WASHC3: variants seen among roughly 807,000 people sequenced by gnomAD.
WASHC3 encodes WASH complex subunit CCDC53.
Under a neutral mutation model 26.1 loss-of-function variants are expected in WASHC3, and 24 were observed. The observed-to-expected ratio is 0.92, with a 90% CI of 0.66 to 1.29. The LOEUF (loss-of-function observed/expected upper bound fraction) is 1.29, where lower values mean the gene tolerates loss of function less well. WASHC3 is among the 50% of genes most tolerant of loss of function. The probability of loss-of-function intolerance (pLI) is 0.00; values close to 1 mark genes in which losing one functional copy is unlikely to be tolerated. For missense variants in WASHC3, 214 were observed against 229.6 expected (o/e 0.93, Z 0.44); for synonymous variants, 77 against 75.7 (o/e 1.02, Z -0.09).
intron 4 of WASHC3, among the ~76,000 whole-genome samples, chr12:102,043,138 C>T (rs1878009110): frequency 6.6e-6 from 1 of 152,186 alleles, no homozygotes; most frequent in Non-Finnish European, 1.5e-5. Flanking sequence ...TGTAGATTCT[C>T]ATCAGCAGTT....
rs1877484983 is a variant in WASHC3, at chr12:102,032,622, G to A, written c.436-6584C>T. Among the ~76,000 whole-genome samples the A allele has an allele frequency of 2.6e-5, 4 of 152,106 alleles. No homozygotes were observed. In the South Asian group the frequency reaches 8.3e-4, roughly 32 times the overall value. ...AAAAAAAGTCAGAAAATGCCAGCAG[G>A]TGTTCCAGGAACATTCATTAGTAAT... On this transcript the variant is annotated intron_variant, in intron 5 of 6. Coordinates refer to ENST00000240079, the MANE Select transcript of WASHC3 (RefSeq NM_016053.4).
chr12:102,028,967 C>T (rs141822107), intron 5 of WASHC3, among the ~76,000 whole-genome samples: 2 of 152,098 alleles, frequency 1.3e-5, no homozygotes, highest in Non-Finnish European at 2.9e-5. Context: ...TCTGTATATG[C>T]ATATGGGTAA....
intron 2 of WASHC3, among the ~76,000 whole-genome samples, chr12:102,059,949 A>T (rs1878736805): frequency 6.6e-6 from 1 of 152,248 alleles, no homozygotes; most frequent in Non-Finnish European, 1.5e-5. Flanking sequence ...AAATTGAATT[A>T]AGCCCCTTAC....
Position 102,017,670 on chromosome 12 carries a change from G to A in WASHC3, c.501-4478C>T, listed in dbSNP as rs570187511. The A allele has an allele frequency of 1.9e-4, 64 of 343,002 alleles. 1 individual carries two copies. In the Middle Eastern group the frequency reaches 0.015, roughly 83 times the overall value. 21.2% of individuals were successfully genotyped at this position (343,002 alleles called of 1,614,324 possible). On this transcript the variant is annotated intron_variant, in intron 6 of 6. Transcript: ENST00000240079. ...AGGTGGAAACTCTCTTTAACCTTCC[G>A]AGGAACTGCCAAACTTTTCCACAGC...
At chr12:102,056,013 G>C (rs1594372952) in intron 2 of WASHC3, among the ~76,000 whole-genome samples, 2 of 152,296 alleles carry the variant, frequency 1.3e-5, no homozygotes, top group Admixed American at 1.3e-4. Context: ...AAGCAGGTCA[G>C]TTTTAGGAGA....
At chr12:102,059,322 T>TCATAAAA (rs1227058598) in intron 2 of WASHC3, among the ~76,000 whole-genome samples, 1 of 152,210 alleles carries the variant, frequency 6.6e-6, no homozygotes, top group African/African-American at 2.4e-5. Flanking sequence ...AATTTTTACC[T>TCATAAAA]GTCAATTTAA....
At chr12:102,051,591 T>C (rs1025276463) in intron 2 of WASHC3, among the ~76,000 whole-genome samples, 4 of 152,212 alleles carry the variant, frequency 2.6e-5, no homozygotes, top group Non-Finnish European at 5.9e-5. Flanking sequence ...CTTAATCAGA[T>C]AAAGCAGTGC....
chr12:102,017,510 C>T (rs927139530), intron 6 of WASHC3, among the ~76,000 whole-genome samples: 2 of 152,176 alleles, frequency 1.3e-5, no homozygotes, highest in Admixed American at 1.3e-4. Context: ...AAGAGAATGA[C>T]AGCATTCTGG....
chr12:102,048,130 G>A (rs1878238398), intron 2 of WASHC3, among the ~76,000 whole-genome samples: 2 of 152,118 alleles, frequency 1.3e-5, no homozygotes, highest in Admixed American at 1.3e-4. Context: ...GTGCCAAGAG[G>A]AAAAGCCTTT....
intron 5 of WASHC3, among the ~76,000 whole-genome samples, 179 bp from the exon 6 acceptor site, chr12:102,026,217 A>G (rs1003333629): frequency 2.6e-5 from 4 of 152,134 alleles, no homozygotes; most frequent in African/African-American, 9.6e-5. Flanking sequence ...ACATTGACCT[A>G]ACAGAATTAG....
At chr12:102,041,258 A>C (rs1347557991) in intron 4 of WASHC3, among the ~76,000 whole-genome samples, 2 of 151,980 alleles carry the variant, frequency 1.3e-5, no homozygotes, top group Non-Finnish European at 2.9e-5. Context: ...ATAATAGCAA[A>C]ATGGTGCAAA....
At chr12:102,062,054 C>G, upstream of WASHC3, 1 of 1,126,266 alleles carries the variant, frequency 8.9e-7, no homozygotes, top group South Asian at 1.4e-5. Context: ...ACTTTCCCCC[C>G]AAGTGCCCGC....
At chr12:102,014,767 T>A (rs1034830099) in intron 6 of WASHC3, among the ~76,000 whole-genome samples, 1 of 152,186 alleles carries the variant, frequency 6.6e-6, no homozygotes, top group African/African-American at 2.4e-5. Flanking sequence ...CATGGGACCA[T>A]CATCTTCCTC....
In WASHC3 at chr12:102,055,607, T is replaced by G. The variant is rs572305952; in HGVS notation, c.150+5641A>C. ...GTGATCTGCCCACCTGGGCCCAAAG[T>G]GCTGGGATTACAGGTGTGGGCCACC... On this transcript the variant is annotated intron_variant, in intron 2 of 6. Transcript: ENST00000240079. Among the ~76,000 whole-genome samples the G allele has an allele frequency of 2.0e-5, 3 of 152,352 alleles. No individual in the cohort carries two copies. In the East Asian group the frequency reaches 5.8e-4, roughly 29 times the overall value.
chr12:102,032,373 C>T (rs1877473622), intron 5 of WASHC3, among the ~76,000 whole-genome samples: 1 of 152,140 alleles, frequency 6.6e-6, no homozygotes. Context: ...CAATTTATTA[C>T]TGGCAGAGGA....
intron 5 of WASHC3, among the ~76,000 whole-genome samples, chr12:102,033,630 T>C (rs1381386454): frequency 3.3e-5 from 5 of 152,114 alleles, no homozygotes; most frequent in African/African-American, 4.8e-5. Flanking sequence ...GTGGCACTGT[T>C]AATTCCCTTT....
chr12:102,034,340 T>C (rs1877562256), intron 5 of WASHC3, among the ~76,000 whole-genome samples: 1 of 152,148 alleles, frequency 6.6e-6, no homozygotes, highest in Non-Finnish European at 1.5e-5. Context: ...GGTTCAATGG[T>C]ACAAATTATA....
intron 6 of WASHC3, among the ~76,000 whole-genome samples, chr12:102,013,488 T>C (rs1224131194): frequency 6.6e-6 from 1 of 152,188 alleles, no homozygotes; most frequent in Non-Finnish European, 1.5e-5. Context: ...TAGACAGAGA[T>C]GTGATCTGTA....
chr12:102,013,025 G>T lies in WASHC3; in HGVS notation c.*83C>A. On this transcript the variant is annotated 3_prime_UTR_variant, in exon 7 of 7. Transcript: ENST00000240079. ...ACATGTGGCCATTTGATGTTTTTATGACTAAGAGAGTTCAGGCTCAATCTC... is the reference window on the plus strand; with the variant it reads ...ACATGTGGCCATTTGATGTTTTTATTACTAAGAGAGTTCAGGCTCAATCTC... 1 of 635,972 alleles carries T rather than the reference G, an allele frequency of 1.6e-6. No individual in the cohort carries two copies. The allele number at this position is 635,972 out of a possible 1,614,324, so 39.4% of individuals were successfully genotyped here.
Sources: gnomAD v4.1 joint callset for allele counts (sites outside exome capture counted in the v4.1 genomes callset) on GRCh38, gnomAD v4.1.1 for gene constraint, MANE v1.5 for transcripts, NCBI Gene and HGNC (gene_info 2026-07-23, HGNC 2026-07-21) for gene names.